Variants in NALF1 observed in about 807,000 individuals in gnomAD.
The protein encoded by NALF1 is NALCN channel auxiliary factor 1.
In NALF1, 3 loss-of-function variants were observed where a neutral mutation model predicts 48.4. The ratio of observed to expected loss-of-function variants is 0.06; its 90% CI spans 0.03 to 0.16. The LOEUF (loss-of-function observed/expected upper bound fraction) is 0.16. Among genes scored for constraint, NALF1 ranks in the 10% least tolerant of loss-of-function variants. The pLI is 1.00. For missense variants in NALF1, 526 were observed against 571.5 expected (o/e 0.92, Z 0.81); for synonymous variants, 262 against 245.7 (o/e 1.07, Z -0.62).
intron 1 of NALF1, among the ~76,000 whole-genome samples, chr13:107,775,226 C>T (rs1363199131): frequency 2.5e-5 from 3 of 120,852 alleles, no homozygotes; most frequent in Admixed American, 1.0e-4. Flanking sequence ...CCACAACAGT[C>T]CCCAGAGTGT....
Position 107,436,922 on chromosome 13 carries a change from C to T in NALF1, c.916-226167G>A, listed in dbSNP as rs1884472113. ...TATGTACTAACAATATATTTTTGTT[C>T]ATCAAGAGACTATATTAAGAATATA... is the stretch of plus-strand genomic sequence containing the variant. On this transcript the variant is annotated intron_variant, in intron 1 of 2. Coordinates refer to ENST00000375915, the MANE Select transcript of NALF1 (RefSeq NM_001080396.3). Among the ~76,000 whole-genome samples the T allele has an allele frequency of 2.6e-5, 4 of 151,988 alleles. No individual in the cohort carries two copies. The South Asian group carries it at 8.3e-4, about 31-fold the overall frequency.
At chr13:107,264,733 C>T (rs1454314117) in intron 1 of NALF1, among the ~76,000 whole-genome samples, 1 of 152,068 alleles carries the variant, frequency 6.6e-6, no homozygotes, top group Non-Finnish European at 1.5e-5. Context: ...AGGTTTTTGC[C>T]TTTATCATTT....
chr13:107,253,315 C>A (rs1266304711), intron 1 of NALF1, among the ~76,000 whole-genome samples: 1 of 152,052 alleles, frequency 6.6e-6, no homozygotes, highest in Non-Finnish European at 1.5e-5. Context: ...AGCTAGATGG[C>A]CAGGAGGTCT....
At chr13:107,226,275 G>A (rs1880106587) in intron 1 of NALF1, among the ~76,000 whole-genome samples, 2 of 152,136 alleles carry the variant, frequency 1.3e-5, no homozygotes. Flanking sequence ...CAAAAATACG[G>A]TTTTATTTTA....
At chr13:107,826,853 T>C (rs9555412) in intron 1 of NALF1, among the ~76,000 whole-genome samples, 10,801 of 152,248 alleles carry the variant, frequency 0.071, 483 homozygotes, top group East Asian at 0.2. Context: ...AGAGGCATCA[T>C]TGGCCTCAAA....
In NALF1 at chr13:107,570,572, A is replaced by AT. The variant is rs145257046; in HGVS notation, c.915+295109dup. On this transcript the variant is annotated intron_variant, in intron 1 of 2. Transcript: ENST00000375915. Reference sequence around the variant, plus strand: ...ATTTATTTTTTTCTTTTATTTATTTATTTATTTTATTTTATTATTATTATA... The same window carrying AT: ...ATTTATTTTTTTCTTTTATTTATTTATTTTATTTTATTTTATTATTATTATA... 7.0e-3 allele frequency among the ~76,000 whole-genome samples: 1,031 copies of AT among 146,552 alleles called. 7 individuals are homozygous for AT. The highest frequency in any genetic ancestry group is 0.022 in the African/African-American group (891 of 40,594).
intron 1 of NALF1, among the ~76,000 whole-genome samples, chr13:107,270,665 ATTTTTATT>A (rs3072804): frequency 0.55 from 82,584 of 148,810 alleles, 24,998 homozygotes; most frequent in South Asian, 0.74. Context: ...ATATATATAT[ATTTTTATT>A]ATTATTATAC....
At chr13:107,555,402 A>T (rs1877432460) in intron 1 of NALF1, among the ~76,000 whole-genome samples, 1 of 144,802 alleles carries the variant, frequency 6.9e-6, no homozygotes. Context: ...CCTCCCAAGT[A>T]GCTGGGACTA....
chr13:107,460,018 A>G lies in NALF1; in HGVS notation c.916-249263T>C, dbSNP rs143000149. ...TGGCCTTCCGAAGTGCTGGGATTAT[A>G]GGCATGAGCCACCTCGCCTGGCCCT... On this transcript the variant is annotated intron_variant, in intron 1 of 2. Coordinates refer to ENST00000375915, the MANE Select transcript of NALF1 (RefSeq NM_001080396.3). Among the ~76,000 whole-genome samples, 272 of 152,334 alleles carry G rather than the reference A, an allele frequency of 1.8e-3. 2 individuals carry two copies. The highest frequency in any genetic ancestry group is 3.5e-3 in the Admixed American group (53 of 15,304).
At chr13:107,730,349 A>G (rs1876275605) in intron 1 of NALF1, among the ~76,000 whole-genome samples, 1 of 152,208 alleles carries the variant, frequency 6.6e-6, no homozygotes, top group Non-Finnish European at 1.5e-5. Context: ...TATCCTCTGT[A>G]ATACAAAAAT....
intron 1 of NALF1, among the ~76,000 whole-genome samples, chr13:107,620,282 G>C (rs1879485687): frequency 6.6e-6 from 1 of 152,124 alleles, no homozygotes; most frequent in African/African-American, 2.4e-5. Flanking sequence ...AAATACCCCT[G>C]GTACTTAAAG....
chr13:107,214,336 C>T (rs1879828642), intron 1 of NALF1, among the ~76,000 whole-genome samples: 1 of 152,154 alleles, frequency 6.6e-6, no homozygotes, highest in African/African-American at 2.4e-5. Flanking sequence ...TGTCTTATTT[C>T]ATAAGAACTA....
Position 107,858,104 on chromosome 13 carries a change from T to C in NALF1, c.915+7578A>G, listed in dbSNP as rs115630540. 6.3e-3 allele frequency among the ~76,000 whole-genome samples: 965 copies of C among 152,352 alleles called. 9 individuals carry two copies. Among genetic ancestry groups the C allele is most frequent in the African/African-American group, 0.022 (917 of 41,576 alleles). Reference sequence around the variant, plus strand: ...TGATCTTCACATTATTCATTCATATTCAGGTTACCTAAGCCTTTGACATGA... The same window carrying C: ...TGATCTTCACATTATTCATTCATATCCAGGTTACCTAAGCCTTTGACATGA... On this transcript the variant is annotated intron_variant, in intron 1 of 2. Coordinates refer to ENST00000375915, the MANE Select transcript of NALF1 (RefSeq NM_001080396.3).
chr13:107,676,083 A>G (rs1881113376), intron 1 of NALF1, among the ~76,000 whole-genome samples: 1 of 152,192 alleles, frequency 6.6e-6, no homozygotes, highest in Non-Finnish European at 1.5e-5. Flanking sequence ...TTCACCTGCT[A>G]AAACAAGAGC....
chr13:107,857,807 C>T (rs901219324), intron 1 of NALF1, among the ~76,000 whole-genome samples: 11 of 152,148 alleles, frequency 7.2e-5, no homozygotes, highest in African/African-American at 2.7e-4. Flanking sequence ...GTCTTCTATA[C>T]AGAAAATTTA....
intron 2 of NALF1, among the ~76,000 whole-genome samples, chr13:107,189,931 A>C (rs1879248301): frequency 6.6e-6 from 1 of 152,172 alleles, no homozygotes; most frequent in Non-Finnish European, 1.5e-5. Context: ...AGTGCTAGCT[A>C]CCTCAGCACT....
At chr13:107,734,571 C>A (rs1172457679) in intron 1 of NALF1, among the ~76,000 whole-genome samples, 1 of 152,072 alleles carries the variant, frequency 6.6e-6, no homozygotes, top group Non-Finnish European at 1.5e-5. Flanking sequence ...ATAGTAAAAT[C>A]TGTGGCATAA....
At chr13:107,342,913 C>A (rs1304428957) in intron 1 of NALF1, among the ~76,000 whole-genome samples, 1 of 152,070 alleles carries the variant, frequency 6.6e-6, no homozygotes, top group African/African-American at 2.4e-5. Flanking sequence ...GAGAATTCAA[C>A]ATTAACACAG....
intron 1 of NALF1, among the ~76,000 whole-genome samples, chr13:107,284,760 G>A (rs568416191): frequency 1.6e-4 from 24 of 152,282 alleles, no homozygotes; most frequent in Middle Eastern, 3.4e-3. Context: ...CAGAGAAGAC[G>A]TCATGTGGGC....
Sources: gnomAD v4.1 joint callset for allele counts (sites outside exome capture counted in the v4.1 genomes callset) on GRCh38, gnomAD v4.1.1 for gene constraint, MANE v1.5 for transcripts, NCBI Gene and HGNC (gene_info 2026-07-23, HGNC 2026-07-21) for gene names.